TPPP2: variants seen among roughly 807,000 people sequenced by gnomAD.
TPPP2 encodes tubulin polymerization-promoting protein family member 2.
TPPP2 carries 8 observed loss-of-function variants against 13.0 expected under a neutral mutation model. The observed-to-expected ratio is 0.62, with a 90% CI of 0.36 to 1.11. The LOEUF (loss-of-function observed/expected upper bound fraction) is 1.11. TPPP2 is among the 50% of genes most tolerant of loss of function. The pLI is 0.02. For missense variants in TPPP2, 213 were observed against 216.9 expected, an observed-to-expected ratio of 0.98 and a Z score of 0.11; for synonymous variants, 81 against 81.8, an observed-to-expected ratio of 0.99 and a Z score of 0.05.
chr14:21,030,525 C>G lies in TPPP2; in HGVS notation c.-57C>G, dbSNP rs754352033. 4 of 1,566,532 alleles carry G rather than the reference C, an allele frequency of 2.6e-6. No homozygotes were observed. Among genetic ancestry groups the G allele is most frequent in the South Asian group, 1.2e-5 (1 of 83,842 alleles). On this transcript the variant is annotated 5_prime_UTR_variant, in exon 2 of 4. Transcript: ENST00000321760. ...CATTACTCCACAGTCCTCCCTCCCCCTTCTCCTTCACCCCCAAGTGTCTCC... is the reference window on the plus strand; with the variant it reads ...CATTACTCCACAGTCCTCCCTCCCCGTTCTCCTTCACCCCCAAGTGTCTCC...
chr14:21,030,517 C>G lies in TPPP2; in HGVS notation c.-65C>G. 1 of 1,510,404 alleles carries G rather than the reference C, an allele frequency of 6.6e-7. No individual in the cohort carries two copies. The highest frequency in any genetic ancestry group is 9.0e-7 in the Non-Finnish European group (1 of 1,106,100). The allele number at this position is 1,510,404 out of a possible 1,614,324, so 93.6% of individuals were successfully genotyped here. A position where few individuals can be genotyped will look rare whatever the true frequency, so the allele number is the denominator to read the frequency against. On this transcript the variant is annotated 5_prime_UTR_variant, in exon 2 of 4. Transcript: ENST00000321760. ...CTCATCCTCATTACTCCACAGTCCT[C>G]CCTCCCCCTTCTCCTTCACCCCCAA... is the stretch of plus-strand genomic sequence containing the variant.
intron 1 of TPPP2, chr14:21,024,703 G>A (rs536152512): frequency 8.1e-6 from 8 of 985,468 alleles, no homozygotes; most frequent in African/African-American, 1.7e-5. Context: ...CATCGGGAAG[G>A]GATGGGTAGG....
rs1566487124 is a variant in TPPP2 at position 21,031,156 on chromosome 14, T to C, written c.318T>C (p.Thr106=). The C allele has an allele frequency of 6.2e-7, 1 of 1,613,608 alleles. No homozygotes were observed. The highest frequency in any genetic ancestry group is 8.5e-7 in the Non-Finnish European group (1 of 1,179,844). The change falls in exon 3 of 4, where the codon ACT becomes ACC. Residue 106 remains threonine (T), a synonymous_variant. Transcript: ENST00000321760. ...TGGAGGGCAAAGACCCAGCCACCAC[T>C]GGCGCTACTGTGAGTGACAGCCTTC... ...GLMEGKDPAT[T]GATKATTVGA...
downstream of TPPP2, chr14:21,033,725 T>TA (rs760686869): frequency 9.7e-6 from 9 of 925,390 alleles, no homozygotes; most frequent in Admixed American, 1.5e-4. Flanking sequence ...GCCTGCCTCG[T>TA]AAGTCAGGAA....
chr14:21,029,901 C>G (rs1883945119), upstream of TPPP2, among the ~76,000 whole-genome samples: 1 of 152,150 alleles, frequency 6.6e-6, no homozygotes, highest in South Asian at 2.1e-4. Context: ...GTTTATAAGC[C>G]ACCCAGTTTG....
upstream of TPPP2, chr14:21,025,746 G>A: frequency 1.0e-6 from 1 of 983,456 alleles, no homozygotes; most frequent in Non-Finnish European, 1.2e-6. This position sits in a 1 kb window ranked among gnomAD's most constrained non-coding sequence, Gnocchi z 5.1. Flanking sequence ...CAACAAGGCG[G>A]GGAGGTGGGG....
chr14:21,033,363 G>C (rs1427326613), downstream of TPPP2: 1 of 276,250 alleles, frequency 3.6e-6, no homozygotes, highest in Non-Finnish European at 7.0e-6. Flanking sequence ...CCCTGAGTAG[G>C]TGGGTGAGTG....
At chr14:21,034,188 G>A (rs776919127), downstream of TPPP2, 9 of 1,614,052 alleles carry the variant, frequency 5.6e-6, no homozygotes, top group Non-Finnish European at 7.6e-6. Context: ...AATGCTTAAG[G>A]TATAGAAGTT....
chr14:21,032,967 G>C (rs767378309), downstream of TPPP2: 5 of 455,982 alleles, frequency 1.1e-5, no homozygotes, highest in East Asian at 2.1e-4. Flanking sequence ...ATTTATGTTC[G>C]ATTAGAGCCG....
In TPPP2 at chr14:21,030,605, A is replaced by G. The variant is rs1445451803; in HGVS notation, c.24A>G (p.Thr8=). MASEAEK[T]FHRFAAFGES... ...CCATGGCATCAGAGGCAGAAAAAAC[A>G]TTCCATCGGTTTGCTGCGTTTGGAG... is the stretch of plus-strand genomic sequence containing the variant. The change falls in exon 2 of 4, where the codon ACA becomes ACG. Residue 8 remains threonine, a synonymous_variant. Coordinates refer to ENST00000321760, the MANE Select transcript of TPPP2 (RefSeq NM_173846.5). 8.7e-6 allele frequency: 14 copies of G among 1,613,838 alleles called. No homozygotes were observed. The highest frequency in any genetic ancestry group is 1.3e-5 in the African/African-American group (1 of 74,994).
chr14:21,024,719 G>A, intron 1 of TPPP2: 3 of 985,480 alleles, frequency 3.0e-6, no homozygotes, highest in Non-Finnish European at 2.4e-6. Context: ...GTAGGACAGA[G>A]GAGACCGGCC....
downstream of TPPP2, chr14:21,033,708 G>A (rs760799210): frequency 2.1e-4 from 166 of 807,690 alleles, no homozygotes; most frequent in Non-Finnish European, 3.3e-4. Flanking sequence ...TCTTGGGAGG[G>A]GACCCTGCCT....
At chr14:21,030,849 T>C (rs946889576) in intron 2 of TPPP2, 95 bp downstream of exon 2, 2 of 1,520,672 alleles carry the variant, frequency 1.3e-6, no homozygotes, top group Non-Finnish European at 1.8e-6. Context: ...GCAGTGGGCC[T>C]ACCAAGCACC....
Position 21,032,149 on chromosome 14 carries a change from A to C in TPPP2, c.*72A>C. 2 of 1,501,982 alleles carry C rather than the reference A, an allele frequency of 1.3e-6. No individual in the cohort carries two copies. The highest frequency in any genetic ancestry group is 1.8e-6 in the Non-Finnish European group (2 of 1,084,354). The allele number at this position is 1,501,982 out of a possible 1,614,324, so 93.0% of individuals were successfully genotyped here. ...AACACCAGGGAGCTTGGAAAACAAT[A>C]AACATCTGTGTGTGCAGCAGCCAAA... On this transcript the variant is annotated 3_prime_UTR_variant, in exon 4 of 4. Transcript: ENST00000321760.
rs757164251 is a variant in TPPP2 at position 21,031,903 on chromosome 14, A to G, written c.339A>G (p.Thr113=). ...TCCCTGGCTTGCAGAAAGCAACAAC[A>G]GTGGGTGCAGTGGACCGTTTGACAG... is the stretch of plus-strand genomic sequence containing the variant. The part of the protein sequence containing the change: ...PATTGATKAT[T]VGAVDRLTDT... Residue 113 remains threonine (T), a synonymous_variant, in exon 4 of 4, where the codon ACA becomes ACG. Transcript: ENST00000321760. 1 of 1,613,666 alleles carries G rather than the reference A, an allele frequency of 6.2e-7. No individual in the cohort carries two copies. The highest frequency in any genetic ancestry group is 1.1e-5 in the South Asian group (1 of 91,052).
At chr14:21,025,864 G>A (rs575064497), upstream of TPPP2, 49 of 309,484 alleles carry the variant, frequency 1.6e-4, no homozygotes, top group East Asian at 7.5e-3. This position sits in a 1 kb window ranked among gnomAD's most constrained non-coding sequence, Gnocchi z 5.1. Flanking sequence ...AAGGGGCGCG[G>A]GGGAGGGGCC....
At chr14:21,029,895 A>G (rs1466276336), upstream of TPPP2, among the ~76,000 whole-genome samples, 1 of 152,212 alleles carries the variant, frequency 6.6e-6, no homozygotes, top group East Asian at 1.9e-4. Context: ...TCTGTTGTTT[A>G]TAAGCCACCC....
At chr14:21,027,459 C>T (rs1203142888), upstream of TPPP2, among the ~76,000 whole-genome samples, 1 of 152,218 alleles carries the variant, frequency 6.6e-6, no homozygotes, top group African/African-American at 2.4e-5. Flanking sequence ...GGTACAAACA[C>T]AGGACAAGTT....
chr14:21,034,265 G>A (rs1884465416), downstream of TPPP2: 2 of 1,613,120 alleles, frequency 1.2e-6, no homozygotes, highest in East Asian at 2.2e-5. Flanking sequence ...GGAGGAAAAG[G>A]AGCCGGGTCA....
Sources: allele counts gnomAD v4.1 joint callset (sites outside exome capture counted in the v4.1 genomes callset), GRCh38; gene constraint gnomAD v4.1.1; non-coding constraint Gnocchi (gnomAD v3.1); transcripts MANE v1.5; gene names NCBI Gene and HGNC (gene_info 2026-07-23, HGNC 2026-07-21).